MEIS2: variants seen among roughly 807,000 people sequenced by gnomAD.
MEIS2 encodes the protein homeobox protein Meis2.
MEIS2 carries 9 observed loss-of-function variants against 58.6 expected under a neutral mutation model. That is an observed-to-expected ratio of 0.15 (90% CI 0.09 to 0.27). The LOEUF is 0.27. Ranked by LOEUF, MEIS2 falls within the 10% of genes least tolerant of loss-of-function variation. MEIS2 has a pLI of 1.00. For synonymous variants in MEIS2, 221 were observed against 228.4 expected (o/e 0.97, Z 0.29); for missense variants, 427 against 635.0 (o/e 0.67, Z 3.52).
At chr15:37,001,799 T>C (rs2060738880) in intron 8 of MEIS2, among the ~76,000 whole-genome samples, 1 of 152,208 alleles carries the variant, frequency 6.6e-6, no homozygotes, top group Admixed American at 6.5e-5. Flanking sequence ...TCCATGGCAA[T>C]AGTTTATAGA....
chr15:37,031,131 C>A (rs1340103296), intron 8 of MEIS2, among the ~76,000 whole-genome samples: 1 of 152,160 alleles, frequency 6.6e-6, no homozygotes, highest in Non-Finnish European at 1.5e-5. Context: ...GAGTACTTTA[C>A]ATTATTTCAC....
At position 37,038,082 on chromosome 15, in the gene MEIS2, G is replaced by A. The variant is rs148436950; in HGVS notation, c.755-1123C>T. 7.9e-4 allele frequency among the ~76,000 whole-genome samples: 121 copies of A among 152,308 alleles called. 2 individuals carry two copies. Among genetic ancestry groups the A allele is most frequent in the African/African-American group, 2.8e-3 (118 of 41,566 alleles). ...TGTTTAAGAAGCCAGGGTCCTGGAA[G>A]GACATCTGGGAATTGCACTGAGATG... On this transcript the variant is annotated intron_variant, in intron 7 of 11. Coordinates refer to ENST00000561208, the MANE Select transcript of MEIS2 (RefSeq NM_170675.5).
At chr15:37,069,007 TA>T (rs1407651691) in intron 7 of MEIS2, among the ~76,000 whole-genome samples, 1 of 152,210 alleles carries the variant, frequency 6.6e-6, no homozygotes, top group Non-Finnish European at 1.5e-5. Context: ...CTCTAATTTT[TA>T]AAAAGTCTGA....
chr15:36,945,457 A>G (rs2058528577), intron 9 of MEIS2, among the ~76,000 whole-genome samples: 1 of 151,972 alleles, frequency 6.6e-6, no homozygotes, highest in South Asian at 2.1e-4. Context: ...GCATCATTCC[A>G]TTTCACACCT....
In MEIS2 at chr15:36,939,482, CTT is replaced by C. The variant is rs1179694879; in HGVS notation, c.977+10840_977+10841del. Among the ~76,000 whole-genome samples, 17 of 151,966 alleles carry C rather than the reference CTT, an allele frequency of 1.1e-4. 1 individual carries two copies. Among genetic ancestry groups the C allele is most frequent in the South Asian group, 1.0e-3 (5 of 4,816 alleles). ...TTTCTCTTTGGATCCATTTTGCTGT[CTT>C]TGCAAGTGTTGCTATTGGGCTATGG... On this transcript the variant is annotated intron_variant, in intron 9 of 11. Coordinates refer to ENST00000561208, the MANE Select transcript of MEIS2 (RefSeq NM_170675.5).
At chr15:37,090,950 C>T (rs148818722) in intron 6 of MEIS2, among the ~76,000 whole-genome samples, 2 of 152,246 alleles carry the variant, frequency 1.3e-5, no homozygotes, top group East Asian at 3.9e-4. Context: ...GCTGTCTGGG[C>T]CTTTCTGAAG....
At chr15:36,902,481 C>A (rs1307762203) in intron 9 of MEIS2, among the ~76,000 whole-genome samples, 1 of 152,226 alleles carries the variant, frequency 6.6e-6, no homozygotes, top group African/African-American at 2.4e-5. Context: ...TAGATCCTTG[C>A]TACTTTACAT....
chr15:37,079,375 T>C (rs549888480), intron 7 of MEIS2, among the ~76,000 whole-genome samples: 72 of 152,272 alleles, frequency 4.7e-4, no homozygotes, highest in East Asian at 3.1e-3. Flanking sequence ...ATCTGTCATA[T>C]TGTATTTAGG....
At chr15:36,899,697 C>A (rs1567024508) in intron 9 of MEIS2, among the ~76,000 whole-genome samples, 1 of 152,096 alleles carries the variant, frequency 6.6e-6, no homozygotes, top group Non-Finnish European at 1.5e-5. Flanking sequence ...AGGCTCCATT[C>A]ATATGGAAAA....
At chr15:37,097,163 C>T (rs1382304333) in intron 2 of MEIS2, 1 of 152,184 alleles carries the variant, frequency 6.6e-6, no homozygotes, top group Non-Finnish European at 1.5e-5. Context: ...TGTGTTCCTC[C>T]GGGCGGCTTA....
At chr15:37,064,121 T>C (rs1419252713) in intron 7 of MEIS2, among the ~76,000 whole-genome samples, 1 of 152,146 alleles carries the variant, frequency 6.6e-6, no homozygotes, top group African/African-American at 2.4e-5. Context: ...AACTTACACA[T>C]TATCTCAACC....
At chr15:37,030,602 G>T (rs1399560299) in intron 8 of MEIS2, among the ~76,000 whole-genome samples, 2 of 151,622 alleles carry the variant, frequency 1.3e-5, no homozygotes, top group Non-Finnish European at 2.9e-5. Flanking sequence ...CTCCCAAAGT[G>T]CTAGGATTAC....
chr15:37,038,377 C>T (rs139919766), intron 7 of MEIS2, among the ~76,000 whole-genome samples: 10 of 152,316 alleles, frequency 6.6e-5, no homozygotes, highest in Non-Finnish European at 1.0e-4. Flanking sequence ...TGTGGGCTTC[C>T]CTGTACCTGT....
intron 8 of MEIS2, among the ~76,000 whole-genome samples, chr15:36,983,864 C>T (rs778452656): frequency 2.6e-5 from 4 of 151,954 alleles, no homozygotes; most frequent in Non-Finnish European, 4.4e-5. Flanking sequence ...CCTTTGCCTA[C>T]TTGGTTTATT....
chr15:36,971,058 T>C (rs2059537632), intron 8 of MEIS2, among the ~76,000 whole-genome samples: 1 of 151,686 alleles, frequency 6.6e-6, no homozygotes, highest in African/African-American at 2.4e-5. Flanking sequence ...CCCTCTGAAA[T>C]TTCCTAAGGG....
intron 8 of MEIS2, among the ~76,000 whole-genome samples, chr15:36,960,994 A>C (rs1329154717): frequency 3.3e-5 from 5 of 152,094 alleles, no homozygotes; most frequent in African/African-American, 7.2e-5. Context: ...AACTCCCCAC[A>C]GTTTTATCTT....
chr15:37,092,357 T>A (rs1278647233), intron 6 of MEIS2, among the ~76,000 whole-genome samples: 3 of 152,146 alleles, frequency 2.0e-5, no homozygotes, highest in Non-Finnish European at 4.4e-5. Flanking sequence ...ATAGAAGGTT[T>A]ATACTAAGGC....
chr15:36,978,599 CAAATTAAGT>C (rs2059833647), intron 8 of MEIS2, among the ~76,000 whole-genome samples: 1 of 152,140 alleles, frequency 6.6e-6, no homozygotes, highest in African/African-American at 2.4e-5. Flanking sequence ...AAAAAGAAAA[CAAATTAAGT>C]CTCAAATAAT....
At chr15:37,078,486 A>G in intron 7 of MEIS2, among the ~76,000 whole-genome samples, 1 of 150,594 alleles carries the variant, frequency 6.6e-6, no homozygotes, top group East Asian at 1.9e-4. Context: ...CATAGTTACC[A>G]TTAAAGCACA....
Sources: gnomAD v4.1 joint callset for allele counts (sites outside exome capture counted in the v4.1 genomes callset) on GRCh38, gnomAD v4.1.1 for gene constraint, MANE v1.5 for transcripts, NCBI Gene and HGNC (gene_info 2026-07-23, HGNC 2026-07-21) for gene names.